The following PTAFR variants were observed in gnomAD, a reference collection of about 807,000 sequenced individuals.
The protein encoded by PTAFR is platelet-activating factor receptor.
PTAFR carries 8 observed loss-of-function variants against 14.7 expected under a neutral mutation model. The ratio of observed to expected loss-of-function variants is 0.54; its 90% CI spans 0.32 to 0.98. PTAFR has a LOEUF of 0.98. Ranked by LOEUF, PTAFR falls within the 50% of genes least tolerant of loss-of-function variation. The pLI, the probability that PTAFR is intolerant of heterozygous loss-of-function variation, is 0.04. For missense variants in PTAFR, 337 were observed against 451.2 expected (o/e 0.75, Z 2.29); for synonymous variants, 156 against 176.5 (o/e 0.88, Z 0.92).
intron 1 of PTAFR, among the ~76,000 whole-genome samples, chr1:28,189,924 C>T (rs1360995303): frequency 6.6e-6 from 1 of 151,796 alleles, no homozygotes. Context: ...CCTTAGTCTC[C>T]CAAAGTGCTG....
chr1:28,193,609 C>CCTCCTAGGGAA (rs1042668745), intron 1 of PTAFR: 1 of 153,210 alleles, frequency 6.5e-6, no homozygotes, highest in Non-Finnish European at 1.5e-5. Context: ...GGAAATCAGA[C>CCTCCTAGGGAA]ATCACCTAGC....
At chr1:28,193,217 C>G (rs76140441) in intron 1 of PTAFR, among the ~76,000 whole-genome samples, 2 of 151,620 alleles carry the variant, frequency 1.3e-5, no homozygotes, top group Non-Finnish European at 2.9e-5. Context: ...TGAGACCTTG[C>G]GGAGTAGGTT....
chr1:28,167,400 A>G (rs188230979), intron 1 of PTAFR, among the ~76,000 whole-genome samples: 89 of 152,292 alleles, frequency 5.8e-4, no homozygotes, highest in Admixed American at 5.0e-3. Flanking sequence ...AATTGAAACC[A>G]TAATGCAATA....
At chr1:28,175,306 C>G (rs1215975611) in intron 1 of PTAFR, among the ~76,000 whole-genome samples, 1 of 152,024 alleles carries the variant, frequency 6.6e-6, no homozygotes, top group African/African-American at 2.4e-5. Context: ...GAGCTGAGAT[C>G]GAAACCCCGG....
At chr1:28,187,680 G>A (rs1416239614) in intron 1 of PTAFR, among the ~76,000 whole-genome samples, 3 of 151,958 alleles carry the variant, frequency 2.0e-5, no homozygotes, top group Non-Finnish European at 4.4e-5. Flanking sequence ...GTGGGGTTTC[G>A]CCATGTTGCC....
At chr1:28,191,888 A>G (rs1157285708) in intron 1 of PTAFR, among the ~76,000 whole-genome samples, 1 of 152,008 alleles carries the variant, frequency 6.6e-6, no homozygotes, top group Non-Finnish European at 1.5e-5. Flanking sequence ...CAACATGATG[A>G]AACCCTGTCT....
intron 1 of PTAFR, among the ~76,000 whole-genome samples, chr1:28,170,107 A>G (rs1466714443): frequency 6.6e-6 from 1 of 151,960 alleles, no homozygotes; most frequent in Non-Finnish European, 1.5e-5. Context: ...TGGAAATTCC[A>G]CCTCAAGTTC....
At chr1:28,157,488 A>C (rs906377495) in intron 1 of PTAFR, among the ~76,000 whole-genome samples, 1 of 151,686 alleles carries the variant, frequency 6.6e-6, no homozygotes, top group Admixed American at 6.6e-5. Context: ...TTTTAATGCA[A>C]TATTTTTTTA....
intron 1 of PTAFR, among the ~76,000 whole-genome samples, chr1:28,160,689 G>A (rs542011662): frequency 6.6e-6 from 1 of 151,982 alleles, no homozygotes; most frequent in Non-Finnish European, 1.5e-5. Context: ...TCTGACTTCA[G>A]AGCCTCCCCA....
chr1:28,182,594 TAA>T (rs148469079), intron 1 of PTAFR, among the ~76,000 whole-genome samples: 10 of 145,610 alleles, frequency 6.9e-5, no homozygotes, highest in Non-Finnish European at 7.6e-5. Context: ...CCCTGTCTCT[TAA>T]AAAAAAAAAA....
chr1:28,155,138 C>A (rs1159934035), intron 1 of PTAFR, among the ~76,000 whole-genome samples: 1 of 152,170 alleles, frequency 6.6e-6, no homozygotes, highest in Non-Finnish European at 1.5e-5. Context: ...CATTTCCTGC[C>A]TAGAAGCCTC....
rs780344665 is a variant in PTAFR at position 28,167,633 on chromosome 1, A to ATTTTTTTTTTTTTTT, written c.-39+8944_-39+8958dup. Among the ~76,000 whole-genome samples the ATTTTTTTTTTTTTTT allele has an allele frequency of 2.6e-4, 21 of 80,252 alleles. 4 individuals are homozygous for ATTTTTTTTTTTTTTT. The highest frequency in any genetic ancestry group is 1.1e-3 in the African/African-American group (20 of 18,050). 52.6% of individuals were successfully genotyped at this position (80,252 alleles called of 152,430 possible). Reference sequence around the variant, plus strand: ...TATATTCAAAAGAACTGAAAACGGGATTTTTTTTTTTTTTTTTTTTTTTTT... The same window carrying ATTTTTTTTTTTTTTT: ...TATATTCAAAAGAACTGAAAACGGGATTTTTTTTTTTTTTTTTTTTTTTTTTTTTTTTTTTTTTTT... On this transcript the variant is annotated intron_variant, in intron 1 of 1. Coordinates refer to ENST00000373857, the MANE Select transcript of PTAFR (RefSeq NM_000952.5).
At chr1:28,164,407 G>A (rs1424033937) in intron 1 of PTAFR, among the ~76,000 whole-genome samples, 1 of 152,186 alleles carries the variant, frequency 6.6e-6, no homozygotes, top group Non-Finnish European at 1.5e-5. Context: ...AGTGGTGAAG[G>A]CGGGGGAACA....
chr1:28,173,363 T>A (rs1646473642), intron 1 of PTAFR, among the ~76,000 whole-genome samples: 1 of 151,120 alleles, frequency 6.6e-6, no homozygotes, highest in African/African-American at 2.4e-5. Flanking sequence ...CCCAGCACTT[T>A]GGGAGGCCAA....
rs935556584 is a variant in PTAFR, at chr1:28,150,701, G to A, written c.321C>T (p.Phe107=). 9 of 1,614,030 alleles carry A rather than the reference G, an allele frequency of 5.6e-6. No individual in the cohort carries two copies. Among genetic ancestry groups the A allele is most frequent in the Non-Finnish European group, 7.6e-6 (9 of 1,180,046 alleles). ...AGCGGTTATAAGTGATGACGCCCAG[G>A]AAGGCCACAGAGCAGTAGGTGTTGA... is the stretch of plus-strand genomic sequence containing the variant. ...FFINTYCSVA[F]LGVITYNRFQ... is the part of the protein sequence containing the mutation. The change falls in exon 2 of 2, where the codon TTC becomes TTT. Residue 107 remains phenylalanine (F), a synonymous_variant. Transcript: ENST00000373857. This position sits in a 1 kb window ranked among gnomAD's most constrained non-coding sequence, Gnocchi z 6.3.
At chr1:28,157,548 A>G (rs1646278487) in intron 1 of PTAFR, among the ~76,000 whole-genome samples, 1 of 152,038 alleles carries the variant, frequency 6.6e-6, no homozygotes, top group South Asian at 2.1e-4. Flanking sequence ...TCTCTAATAT[A>G]ACTGCCTGGC....
intron 1 of PTAFR, among the ~76,000 whole-genome samples, chr1:28,157,630 A>ATTT (rs1197395346): frequency 1.1e-4 from 14 of 131,144 alleles, no homozygotes; most frequent in Admixed American, 1.5e-4. Flanking sequence ...ATTAATTTTG[A>ATTT]TTTTTTTTTT....
In PTAFR at chr1:28,164,867, C is replaced by T. The variant is rs574966414; in HGVS notation, c.-39+11725G>A. Among the ~76,000 whole-genome samples, 6 of 152,238 alleles carry T rather than the reference C, an allele frequency of 3.9e-5. No individual in the cohort carries two copies. The South Asian group carries it at 6.2e-4, about 16-fold the overall frequency. ...CTGGGGCCCTGCTTTTACCTTTGTTCCTCAAAGCTGGGAAGGGAATGCGAC... is the reference window on the plus strand; with the variant it reads ...CTGGGGCCCTGCTTTTACCTTTGTTTCTCAAAGCTGGGAAGGGAATGCGAC... On this transcript the variant is annotated intron_variant, in intron 1 of 1. Transcript: ENST00000373857.
At position 28,149,306 on chromosome 1, in the gene PTAFR, T is replaced by C. The variant is rs971532842; in HGVS notation, c.*687A>G. 1.3e-5 allele frequency: 2 copies of C among 149,406 alleles called. No homozygotes were observed. The highest frequency in any genetic ancestry group is 2.9e-5 in the Non-Finnish European group (2 of 68,220). The allele number at this position is 149,406 out of a possible 1,614,324, so 9.3% of individuals were successfully genotyped here. On this transcript the variant is annotated 3_prime_UTR_variant, in exon 2 of 2. Coordinates refer to ENST00000373857, the MANE Select transcript of PTAFR (RefSeq NM_000952.5). ...CCTAACCCAGTCTACCTCTATCACT[T>C]GAGAGTAGTTGCCCAAAGCTTTTTT...
Sources: gnomAD v4.1 joint callset for allele counts (sites outside exome capture counted in the v4.1 genomes callset) on GRCh38, gnomAD v4.1.1 for gene constraint, Gnocchi (gnomAD v3.1) non-coding constraint, MANE v1.5 for transcripts, NCBI Gene and HGNC (gene_info 2026-07-23, HGNC 2026-07-21) for gene names.